The following TUT4 variants were observed in gnomAD, a reference collection of about 807,000 sequenced individuals.
TUT4 encodes the protein terminal uridylyl transferase 4.
A neutral mutation model predicts 192.2 loss-of-function variants in TUT4; 36 were observed. That is an observed-to-expected ratio of 0.19 (90% CI 0.14 to 0.25). The LOEUF is 0.25. Among genes scored for constraint, TUT4 ranks in the 10% least tolerant of loss-of-function variants. The pLI is 1.00. For synonymous variants in TUT4, 618 were observed against 666.0 expected (o/e 0.93, Z 1.11); for missense variants, 1,493 against 1,957.2 (o/e 0.76, Z 4.47).
At chr1:52,446,219 G>A in intron 22 of TUT4, 46 bp downstream of exon 22, 3 of 1,557,864 alleles carry the variant, frequency 1.9e-6, no homozygotes, top group Non-Finnish European at 2.6e-6. Flanking sequence ...CAATTTCGTT[G>A]ACCAAATTTT....
At chr1:52,468,447 CTG>C in intron 14 of TUT4, 180 bp from the exon 15 acceptor site, 1 of 504,078 alleles carries the variant, frequency 2.0e-6, no homozygotes, top group Non-Finnish European at 3.4e-6. Context: ...AGGAAAAAAA[CTG>C]TTTTTCTGTT....
chr1:52,553,007 T>G lies in TUT4; in HGVS notation c.-170A>C, dbSNP rs1410863331. 1 of 157,410 alleles carries G rather than the reference T, an allele frequency of 6.4e-6. No individual in the cohort carries two copies. The highest frequency in any genetic ancestry group is 2.4e-5 in the African/African-American group (1 of 41,362). 9.8% of individuals were successfully genotyped at this position (157,410 alleles called of 1,614,324 possible). On this transcript the variant is annotated 5_prime_UTR_variant, in exon 1 of 30. Coordinates refer to ENST00000257177, the MANE Select transcript of TUT4 (RefSeq NM_001009881.3). ...CTCCTGCTCTCCCTCCGCCTCCTGC[T>G]GCCGCCGCCGTCGCCGCTGCCGCCG... is the stretch of plus-strand genomic sequence containing the variant.
At chr1:52,459,136 G>A (rs1161314316) in intron 19 of TUT4, among the ~76,000 whole-genome samples, 1 of 151,230 alleles carries the variant, frequency 6.6e-6, no homozygotes, top group Non-Finnish European at 1.5e-5. Context: ...AAATAAAAAA[G>A]TTAGCCGGGT....
At chr1:52,431,989 C>G (rs1048700523) in intron 27 of TUT4, 1 of 152,516 alleles carries the variant, frequency 6.6e-6, no homozygotes, top group Admixed American at 6.5e-5. Flanking sequence ...CCAGGACCCC[C>G]ACAATCCTGT....
At position 52,540,470 on chromosome 1, in the gene TUT4, G is replaced by A. The variant is rs144139634; in HGVS notation, c.-94+12461C>T. Among the ~76,000 whole-genome samples, 89 of 138,440 alleles carry A rather than the reference G, an allele frequency of 6.4e-4. 3 individuals are homozygous for A. The East Asian group carries it at 0.015, about 23-fold the overall frequency. The allele number at this position is 138,440 out of a possible 152,430, so 90.8% of individuals were successfully genotyped here. ...GTAGAGATTGCAGTGACCTAAGATC[G>A]CACCACTGCACTCCAGCCTGGGCGA... On this transcript the variant is annotated intron_variant, in intron 1 of 29. Coordinates refer to ENST00000257177, the MANE Select transcript of TUT4 (RefSeq NM_001009881.3).
chr1:52,507,537 A>G (rs868278517), intron 4 of TUT4, among the ~76,000 whole-genome samples: 3 of 152,276 alleles, frequency 2.0e-5, no homozygotes, highest in Middle Eastern at 3.4e-3. Flanking sequence ...CCAAAAGTAT[A>G]CGTCCTATAT....
Position 52,465,083 on chromosome 1 carries a change from T to C in TUT4, c.3056A>G (p.His1019Arg). Residue 1019 changes from histidine (H) to arginine (R), a missense_variant, in exon 16 of 30, where the codon CAT becomes CGT. Transcript: ENST00000257177. ...DLDICMTLEG[H>R]ENAEKLNCKE... ...AAACACTCTTACCTCTGCATTTTCA[T>C]GGCCTTCCAGGGTCATACAAATATC... 1 of 1,611,134 alleles carries C rather than the reference T, an allele frequency of 6.2e-7. No individual in the cohort carries two copies. The highest frequency in any genetic ancestry group is 8.5e-7 in the Non-Finnish European group (1 of 1,179,070).
chr1:52,542,593 A>G (rs112593850), intron 1 of TUT4, among the ~76,000 whole-genome samples: 3,035 of 152,284 alleles, frequency 0.02, 98 homozygotes, highest in African/African-American at 0.069. Flanking sequence ...TTTCATGATA[A>G]AAACACTCAA....
At chr1:52,455,260 G>A (rs1660549899) in intron 20 of TUT4, among the ~76,000 whole-genome samples, 1 of 151,994 alleles carries the variant, frequency 6.6e-6, no homozygotes. Context: ...ATCTAGCGTG[G>A]ACAACAGAGC....
chr1:52,465,398 T>C (rs1306288900), intron 15 of TUT4, among the ~76,000 whole-genome samples: 1 of 152,214 alleles, frequency 6.6e-6, no homozygotes, highest in African/African-American at 2.4e-5. Context: ...TCCACAGACA[T>C]CATACATTCA....
intron 2 of TUT4, among the ~76,000 whole-genome samples, chr1:52,522,819 G>T (rs939008741): frequency 8.6e-5 from 13 of 151,878 alleles, no homozygotes; most frequent in Non-Finnish European, 1.6e-4. Flanking sequence ...CCAGCTACTT[G>T]GGAGGCTGAG....
Position 52,515,895 on chromosome 1 carries a change from T to G in TUT4, c.878A>C (p.Glu293Ala). The G allele has an allele frequency of 6.2e-7, 1 of 1,613,834 alleles. No homozygotes were observed. Among genetic ancestry groups the G allele is most frequent in the Non-Finnish European group, 8.5e-7 (1 of 1,179,964 alleles). Residue 293 changes from glutamate (E) to alanine (A), a missense_variant, in exon 3 of 30, where the codon GAA (glutamate) becomes GCA (alanine). This residue lies in a region of TUT4 where 437 missense variants were observed against 577.6 expected (regional missense o/e 0.76). Coordinates refer to ENST00000257177, the MANE Select transcript of TUT4 (RefSeq NM_001009881.3). ...RLERDHIFRL[E>A]KRSPEYTNCR... is the part of the protein sequence containing the mutation. ...AACTAAAACAACATAGTATACTTTT[T>G]CAAGTCGAAAGATGTGATCTCTTTC...
At chr1:52,515,801 G>A (rs1678570245) in intron 3 of TUT4, 90 bp downstream of exon 3, 1 of 1,480,134 alleles carries the variant, frequency 6.8e-7, no homozygotes, top group Non-Finnish European at 9.4e-7. Flanking sequence ...TCTGTCTTAT[G>A]AATAAAAGAA....
At position 52,461,828 on chromosome 1, in the gene TUT4, TTAATC is replaced by T. The variant is rs1307477982; in HGVS notation, c.3070-64_3070-60del. The T allele has an allele frequency of 4.3e-5, 43 of 991,186 alleles. 1 individual carries two copies. In the South Asian group the frequency reaches 6.2e-4, roughly 14 times the overall value. The allele number at this position is 991,186 out of a possible 1,614,324, so 61.4% of individuals were successfully genotyped here. On this transcript the variant is annotated intron_variant, in intron 16 of 29. Transcript: ENST00000257177. The stretch of plus-strand genomic sequence containing the variant: ...AATTTCACCTTGTGCAAATTCTACT[TTAATC>T]TAAGCATTTAATAGTAGCATTTACA...
At chr1:52,495,926 C>G (rs113823212) in intron 5 of TUT4, among the ~76,000 whole-genome samples, 1 of 151,954 alleles carries the variant, frequency 6.6e-6, no homozygotes, top group African/African-American at 2.4e-5. Flanking sequence ...CATTCAATGC[C>G]AATGCTTTTA....
At position 52,525,544 on chromosome 1, in the gene TUT4, C is replaced by T. The variant is rs1681529759; in HGVS notation, c.718+19G>A. 6.3e-7 allele frequency: 1 copy of T among 1,584,804 alleles called. No homozygotes were observed. The highest frequency in any genetic ancestry group is 1.2e-5 in the South Asian group (1 of 85,570). On this transcript the variant is annotated intron_variant, in intron 2 of 29. Transcript: ENST00000257177. ...TAAAGAACATTAATATACAAAAATC[C>T]CTCCAAAAAATGACTTACTTAAATC... is the stretch of plus-strand genomic sequence containing the variant.
intron 1 of TUT4, among the ~76,000 whole-genome samples, chr1:52,541,326 G>A (rs2149669173): frequency 6.6e-6 from 1 of 152,230 alleles, no homozygotes; most frequent in East Asian, 1.9e-4. Flanking sequence ...GAAGTCAGGA[G>A]TTCGAGACTA....
chr1:52,455,909 T>C (rs779454442), intron 20 of TUT4, among the ~76,000 whole-genome samples: 8 of 152,040 alleles, frequency 5.3e-5, no homozygotes, highest in Non-Finnish European at 7.4e-5. Context: ...CTAAACATAC[T>C]CGTACATATG....
At chr1:52,519,329 A>C (rs1679578661) in intron 2 of TUT4, among the ~76,000 whole-genome samples, 1 of 152,162 alleles carries the variant, frequency 6.6e-6, no homozygotes, top group Non-Finnish European at 1.5e-5. Flanking sequence ...CTAAAGAGAA[A>C]GAAAGTAGAT....
Sources: gnomAD v4.1 joint callset for allele counts (sites outside exome capture counted in the v4.1 genomes callset) on GRCh38, gnomAD v4.1.1 for gene constraint, gnomAD v4.1.1 regional missense constraint, MANE v1.5 for transcripts, NCBI Gene and HGNC (gene_info 2026-07-23, HGNC 2026-07-21) for gene names.